The following UBE2E2 variants were observed in gnomAD, a reference collection of about 807,000 sequenced individuals.
UBE2E2 encodes ubiquitin-conjugating enzyme E2 E2.
A neutral mutation model predicts 24.7 loss-of-function variants in UBE2E2; 6 were observed. That is an observed-to-expected ratio of 0.24 (90% CI 0.13 to 0.48). The LOEUF (loss-of-function observed/expected upper bound fraction) is 0.48, where lower values mean the gene tolerates loss of function less well. UBE2E2 is among the 20% of genes least tolerant of loss of function. The pLI is 0.99. For synonymous variants in UBE2E2, 104 were observed against 83.6 expected (o/e 1.24, Z -1.33); for missense variants, 169 against 245.0 (o/e 0.69, Z 2.07).
At chr3:23,273,225 T>C (rs1468690624) in intron 3 of UBE2E2, among the ~76,000 whole-genome samples, 2 of 152,230 alleles carry the variant, frequency 1.3e-5, no homozygotes, top group African/African-American at 4.8e-5. Context: ...GTTGATAGTT[T>C]CTTTGAAACT....
chr3:23,402,364 G>C (rs967385196), intron 3 of UBE2E2, among the ~76,000 whole-genome samples: 1 of 152,130 alleles, frequency 6.6e-6, no homozygotes, highest in Non-Finnish European at 1.5e-5. Flanking sequence ...TAAGTTTGCC[G>C]GAGGAAGTAT....
intron 3 of UBE2E2, among the ~76,000 whole-genome samples, chr3:23,372,924 A>G (rs554340355): frequency 9.2e-4 from 140 of 152,304 alleles, no homozygotes; most frequent in Non-Finnish European, 1.5e-3. Flanking sequence ...TTAAAATTTT[A>G]GAATCTGTTA....
chr3:23,376,470 AAGTG>A (rs1231106495), intron 3 of UBE2E2, among the ~76,000 whole-genome samples: 1 of 152,234 alleles, frequency 6.6e-6, no homozygotes, highest in East Asian at 1.9e-4. Context: ...GTGAACCACA[AAGTG>A]AGTAAGTTCC....
chr3:23,286,521 A>G (rs1698619083), intron 3 of UBE2E2, among the ~76,000 whole-genome samples: 1 of 152,088 alleles, frequency 6.6e-6, no homozygotes, highest in Admixed American at 6.6e-5. Context: ...TCTGTTTTTT[A>G]TACCAGTTCA....
chr3:23,372,561 C>G lies in UBE2E2; in HGVS notation c.228-127047C>G, dbSNP rs1206493096. 1.8e-4 allele frequency among the ~76,000 whole-genome samples: 28 copies of G among 152,220 alleles called. No homozygotes were observed. The East Asian group carries it at 5.4e-3, about 29-fold the overall frequency. ...CTCATTTAACTTCCTTACATGGATT[C>G]TCCATTTTAAAGATTGTGCATGCAC... On this transcript the variant is annotated intron_variant, in intron 3 of 5. Transcript: ENST00000396703.
chr3:23,225,811 G>A (rs905434316), intron 3 of UBE2E2, among the ~76,000 whole-genome samples: 5 of 152,100 alleles, frequency 3.3e-5, no homozygotes, highest in African/African-American at 1.2e-4. Flanking sequence ...GGCTGTGACT[G>A]GACATAAACC....
chr3:23,353,452 G>A (rs1276192390), intron 3 of UBE2E2, among the ~76,000 whole-genome samples: 2 of 152,208 alleles, frequency 1.3e-5, no homozygotes, highest in Non-Finnish European at 2.9e-5. Context: ...AATTGTCCCT[G>A]TTTGCAGATG....
At chr3:23,354,282 C>T (rs1301064466) in intron 3 of UBE2E2, among the ~76,000 whole-genome samples, 9 of 152,070 alleles carry the variant, frequency 5.9e-5, no homozygotes, top group Admixed American at 3.9e-4. Context: ...ACCATAAAAA[C>T]CCTAGAAGAA....
intron 5 of UBE2E2, among the ~76,000 whole-genome samples, chr3:23,546,182 T>A (rs1011019096): frequency 6.6e-6 from 1 of 152,192 alleles, no homozygotes; most frequent in African/African-American, 2.4e-5. Context: ...TTTTTAAAAA[T>A]TTTTCAAAGA....
intron 5 of UBE2E2, among the ~76,000 whole-genome samples, chr3:23,535,631 T>TC (rs1298807373): frequency 7.0e-6 from 1 of 143,810 alleles, no homozygotes. Context: ...TTTTTTTTTT[T>TC]TTTTTTTTTT....
intron 5 of UBE2E2, among the ~76,000 whole-genome samples, chr3:23,541,316 C>T (rs745834563): frequency 1.1e-4 from 16 of 152,218 alleles, no homozygotes; most frequent in Admixed American, 1.3e-4. Flanking sequence ...AGTAACAACA[C>T]TCACAGTGCC....
At chr3:23,323,582 A>G (rs1575560891) in intron 3 of UBE2E2, 1 of 451,176 alleles carries the variant, frequency 2.2e-6, no homozygotes, top group Non-Finnish European at 4.5e-6. Flanking sequence ...TTGGATGCCC[A>G]CTAGGTAGGT....
intron 3 of UBE2E2, among the ~76,000 whole-genome samples, chr3:23,232,373 G>A (rs1157559786): frequency 4.6e-5 from 7 of 152,110 alleles, no homozygotes; most frequent in Admixed American, 6.5e-5. Context: ...TTTACCTGAC[G>A]TAGTCAAGAA....
intron 5 of UBE2E2, among the ~76,000 whole-genome samples, chr3:23,567,410 G>C (rs73045658): frequency 0.059 from 8,958 of 152,248 alleles, 341 homozygotes; most frequent in Non-Finnish European, 0.088. Flanking sequence ...AGTAAAACAG[G>C]AAACTACTGA....
At chr3:23,586,220 A>G (rs1274994804) in intron 5 of UBE2E2, among the ~76,000 whole-genome samples, 1 of 152,218 alleles carries the variant, frequency 6.6e-6, no homozygotes, top group Non-Finnish European at 1.5e-5. Flanking sequence ...TCATAGGGAC[A>G]TGTAAATTGA....
chr3:23,300,796 T>C (rs1699055695), intron 3 of UBE2E2, among the ~76,000 whole-genome samples: 2 of 152,040 alleles, frequency 1.3e-5, no homozygotes, highest in Admixed American at 6.6e-5. Flanking sequence ...ATCTTTGTGG[T>C]GTTCTCTATA....
intron 5 of UBE2E2, among the ~76,000 whole-genome samples, chr3:23,586,721 C>A (rs1407612586): frequency 6.6e-6 from 1 of 152,066 alleles, no homozygotes; most frequent in Admixed American, 6.6e-5. Context: ...GTCCTCACAT[C>A]GTTGTTTTTA....
intron 3 of UBE2E2, among the ~76,000 whole-genome samples, chr3:23,424,438 T>TG (rs1436728569): frequency 7.2e-6 from 1 of 139,860 alleles, no homozygotes; most frequent in Admixed American, 7.1e-5. Context: ...TAAACACCTT[T>TG]GTTTTTTTTT....
At chr3:23,487,259 C>T (rs1699393842) in intron 3 of UBE2E2, among the ~76,000 whole-genome samples, 1 of 152,078 alleles carries the variant, frequency 6.6e-6, no homozygotes, top group Admixed American at 6.5e-5. Context: ...TGGGAAGAGG[C>T]CAGGGAGTAG....
Sources: gnomAD v4.1 joint callset for allele counts (sites outside exome capture counted in the v4.1 genomes callset) on GRCh38, gnomAD v4.1.1 for gene constraint, MANE v1.5 for transcripts, NCBI Gene and HGNC (gene_info 2026-07-23, HGNC 2026-07-21) for gene names.